Variants in ACTR5 observed in about 807,000 individuals in gnomAD.
The protein encoded by ACTR5 is actin related protein 5, also known as actin-related protein 5.
A neutral mutation model predicts 61.2 loss-of-function variants in ACTR5; 43 were observed. The ratio of observed to expected loss-of-function variants is 0.70; its 90% CI spans 0.55 to 0.91. ACTR5 has a LOEUF of 0.91. ACTR5 is among the 40% of genes least tolerant of loss of function. The pLI is 0.00. For missense variants in ACTR5, 798 were observed against 782.2 expected, an observed-to-expected ratio of 1.02 and a Z score of -0.24; for synonymous variants, 333 against 310.5, an observed-to-expected ratio of 1.07 and a Z score of -0.76.
rs778557809 is a variant in ACTR5 at position 38,772,075 on chromosome 20, G to A, written c.*259G>A. ...TCAACTGTGGCCAGCTGTGGCATCA[G>A]CTTCCTGGAGCAGTAAATGAAGACA... On this transcript the variant is annotated 3_prime_UTR_variant, in exon 9 of 9. Coordinates refer to ENST00000243903, the MANE Select transcript of ACTR5 (RefSeq NM_024855.4). 3.0e-5 allele frequency: 15 copies of A among 502,472 alleles called. No homozygotes were observed. Among genetic ancestry groups the A allele is most frequent in the Admixed American group, 3.3e-5 (1 of 29,862 alleles). The allele number at this position is 502,472 out of a possible 1,614,324, so 31.1% of individuals were successfully genotyped here. A position where few individuals can be genotyped will look rare whatever the true frequency, so the allele number is the denominator to read the frequency against.
intron 5 of ACTR5, among the ~76,000 whole-genome samples, chr20:38,760,717 A>G (rs1262239752): frequency 2.0e-5 from 3 of 152,234 alleles, no homozygotes; most frequent in African/African-American, 4.8e-5. Context: ...GTGCTGATCA[A>G]ATTCACACAC....
chr20:38,758,907 C>T (rs1192387454), intron 5 of ACTR5, among the ~76,000 whole-genome samples: 1 of 152,126 alleles, frequency 6.6e-6, no homozygotes, highest in Non-Finnish European at 1.5e-5. Context: ...AATGGCTGAA[C>T]TGAATTAATA....
chr20:38,757,468 CTTG>C (rs997319746), intron 5 of ACTR5, among the ~76,000 whole-genome samples: 1 of 152,100 alleles, frequency 6.6e-6, no homozygotes, highest in African/African-American at 2.4e-5. Flanking sequence ...AGACTAGCCT[CTTG>C]TTTTTTGTTT....
chr20:38,769,663 C>T (rs1454974438), intron 8 of ACTR5, among the ~76,000 whole-genome samples: 1 of 152,060 alleles, frequency 6.6e-6, no homozygotes, highest in South Asian at 2.1e-4. Flanking sequence ...GATGAGCGCT[C>T]GGTGGGTAAG....
Position 38,750,248 on chromosome 20 carries a change from C to A in ACTR5, c.605+9C>A, listed in dbSNP as rs746692361. 11 of 1,607,304 alleles carry A rather than the reference C, an allele frequency of 6.8e-6. No individual in the cohort carries two copies. The African/African-American group carries it at 8.0e-5, about 12-fold the overall frequency. On this transcript the variant is annotated intron_variant, in intron 2 of 8. Transcript: ENST00000243903. The stretch of plus-strand genomic sequence containing the variant: ...CCCATCTTAGAAGGGAGGTGAGTTG[C>A]ACTTGTGGCATTTGAGTGCGATTTT...
rs994675302 is a variant in ACTR5, at chr20:38,764,639, A to G, written c.1177-763A>G. ...GCCCAGTGGGACCTGCTATTAAGGG[A>G]CTGATTGTTGAGCTCATTAGCGTTG... is the stretch of plus-strand genomic sequence containing the variant. On this transcript the variant is annotated intron_variant, in intron 5 of 8. Transcript: ENST00000243903. Among the ~76,000 whole-genome samples, 8 of 152,094 alleles carry G rather than the reference A, an allele frequency of 5.3e-5. No individual in the cohort carries two copies. The South Asian group carries it at 1.0e-3, about 20-fold the overall frequency.
chr20:38,760,961 A>T (rs900817108), intron 5 of ACTR5, among the ~76,000 whole-genome samples: 4 of 151,388 alleles, frequency 2.6e-5, no homozygotes, highest in African/African-American at 7.3e-5. Context: ...CCTTCCAGGG[A>T]TGTTGAGCAA....
Position 38,772,269 on chromosome 20 carries a change from T to C in ACTR5, c.*453T>C, listed in dbSNP as rs1025687819. ...ATGCCCAGTGAGGGGAGGTCTTTCA[T>C]GCATATAAAAAGGTAATGTTTATTG... On this transcript the variant is annotated 3_prime_UTR_variant, in exon 9 of 9. Coordinates refer to ENST00000243903, the MANE Select transcript of ACTR5 (RefSeq NM_024855.4). 5.8e-6 allele frequency: 1 copy of C among 172,168 alleles called. No individual in the cohort carries two copies. The allele number at this position is 172,168 out of a possible 1,614,324, so 10.7% of individuals were successfully genotyped here. A position where few individuals can be genotyped will look rare whatever the true frequency, so the allele number is the denominator to read the frequency against.
At chr20:38,763,096 T>TAA in intron 5 of ACTR5, among the ~76,000 whole-genome samples, 1 of 152,210 alleles carries the variant, frequency 6.6e-6, no homozygotes, top group South Asian at 2.1e-4. Context: ...CTGTGACCTT[T>TAA]AATATACCTT....
intron 2 of ACTR5, among the ~76,000 whole-genome samples, chr20:38,751,203 C>G (rs181774094): frequency 6.6e-6 from 1 of 152,322 alleles, no homozygotes; most frequent in Admixed American, 6.5e-5. Flanking sequence ...TTAACTTCCT[C>G]ACTTCATTTC....
intron 2 of ACTR5, among the ~76,000 whole-genome samples, chr20:38,751,892 C>G (rs1303245902): frequency 1.4e-4 from 22 of 152,170 alleles, no homozygotes. Flanking sequence ...TCATTAAGAT[C>G]TGACTGGAGT....
chr20:38,753,221 CT>C (rs2084397628), intron 3 of ACTR5, among the ~76,000 whole-genome samples: 1 of 151,860 alleles, frequency 6.6e-6, no homozygotes. Flanking sequence ...TTTTAGTTAA[CT>C]TTTTCTTTTA....
intron 7 of ACTR5, 65 bp from the exon 8 acceptor site, chr20:38,767,399 C>T: frequency 7.2e-7 from 1 of 1,386,456 alleles, no homozygotes; most frequent in Non-Finnish European, 9.7e-7. Context: ...GCTTACATTT[C>T]TGCATCCACA....
chr20:38,748,696 G>C lies in ACTR5; in HGVS notation c.218G>C (p.Arg73Pro). 1 of 1,521,650 alleles carries C rather than the reference G, an allele frequency of 6.6e-7. No individual in the cohort carries two copies. The highest frequency in any genetic ancestry group is 8.8e-7 in the Non-Finnish European group (1 of 1,136,338). 94.3% of individuals were successfully genotyped at this position (1,521,650 alleles called of 1,614,324 possible). ...TGCGCCCGCGGTCGTGGCGGGGCACGGGGCGCGTCGGGCCCGCAGGTGGGG... is the reference window on the plus strand; with the variant it reads ...TGCGCCCGCGGTCGTGGCGGGGCACCGGGCGCGTCGGGCCCGCAGGTGGGG... ...AVCARGRGGARGASGPQVGNA... is the reference protein window; with the variant it reads ...AVCARGRGGAPGASGPQVGNA... The change falls in exon 1 of 9, where the codon CGG (arginine) becomes CCG (proline). Residue 73 changes from arginine (R) to proline (P), a missense_variant. By Grantham distance (103) the Arg-to-Pro change is moderately radical (BLOSUM62 -2). Transcript: ENST00000243903.
intron 1 of ACTR5, 143 bp from the exon 2 acceptor site, chr20:38,749,867 A>C (rs1004654563): frequency 3.0e-5 from 19 of 638,690 alleles, no homozygotes; most frequent in Non-Finnish European, 5.1e-5. Flanking sequence ...ATGAGATGGG[A>C]GTTTTATAAT....
At position 38,765,417 on chromosome 20, in the gene ACTR5, C is replaced by G; in HGVS notation, c.1192C>G (p.Gln398Glu). ...CTTCTCTTAGACCCCTGACCTGGAG[C>G]AGCTGGAGCCGTCTTTGGAAGATGT... Reference protein sequence around the residue: ...DSKPETPDLEQLEPSLEDVES... With the variant: ...DSKPETPDLEELEPSLEDVES... The change falls in exon 6 of 9, where the codon CAG (glutamine) becomes GAG (glutamate). Residue 398 changes from glutamine (Q) to glutamate (E), a missense_variant. Transcript: ENST00000243903. 1 of 1,614,102 alleles carries G rather than the reference C, an allele frequency of 6.2e-7. No individual in the cohort carries two copies. The highest frequency in any genetic ancestry group is 8.5e-7 in the Non-Finnish European group (1 of 1,179,970).
At chr20:38,763,778 C>G (rs2084469153) in intron 5 of ACTR5, among the ~76,000 whole-genome samples, 1 of 152,186 alleles carries the variant, frequency 6.6e-6, no homozygotes, top group Non-Finnish European at 1.5e-5. Context: ...TTGTCTGATT[C>G]AGTATTGGCA....
Position 38,771,512 on chromosome 20 carries a change from C to T in ACTR5, c.1567-47C>T, listed in dbSNP as rs139368968. The T allele has an allele frequency of 1.8e-4, 284 of 1,584,390 alleles. No homozygotes were observed. The African/African-American group carries it at 3.3e-3, about 19-fold the overall frequency. On this transcript the variant is annotated intron_variant, in intron 8 of 8. Coordinates refer to ENST00000243903, the MANE Select transcript of ACTR5 (RefSeq NM_024855.4). ...TGTAGCTGAGCCAGGTCAACATTCA[C>T]TCCTGGAGCCCTGGTGGAGGTGTCC...
At chr20:38,758,544 G>C (rs1369509353) in intron 5 of ACTR5, among the ~76,000 whole-genome samples, 1 of 152,070 alleles carries the variant, frequency 6.6e-6, no homozygotes, top group Non-Finnish European at 1.5e-5. Context: ...CTACTCGGGA[G>C]GCTGAGGCAG....
Sources: allele counts gnomAD v4.1 joint callset (sites outside exome capture counted in the v4.1 genomes callset), GRCh38; gene constraint gnomAD v4.1.1; transcripts MANE v1.5; gene names NCBI Gene and HGNC (gene_info 2026-07-23, HGNC 2026-07-21).